LIN7A: variants seen among roughly 807,000 people sequenced by gnomAD.
LIN7A encodes lin-7 cell polarity scaffold A, also known as protein lin-7 homolog A.
A neutral mutation model predicts 29.8 loss-of-function variants in LIN7A; 25 were observed. The observed-to-expected ratio is 0.84, with a 90% CI of 0.61 to 1.17. The LOEUF (loss-of-function observed/expected upper bound fraction) is 1.17, where lower values mean the gene tolerates loss of function less well. Among genes scored for constraint, LIN7A ranks in the 50% most tolerant of loss-of-function variants. The pLI is 0.00. For synonymous variants in LIN7A, 118 were observed against 107.5 expected, an observed-to-expected ratio of 1.10 and a Z score of -0.60; for missense variants, 239 against 287.0, an observed-to-expected ratio of 0.83 and a Z score of 1.21.
chr12:80,831,765 G>A (rs1872361116), intron 4 of LIN7A, among the ~76,000 whole-genome samples: 1 of 152,192 alleles, frequency 6.6e-6, no homozygotes, highest in Non-Finnish European at 1.5e-5. Context: ...GTGTGCCCTA[G>A]GTTCCTGTGG....
chr12:80,845,957 A>C lies in LIN7A; in HGVS notation c.274-18T>G. The C allele has an allele frequency of 6.4e-7, 1 of 1,556,718 alleles. No homozygotes were observed. The highest frequency in any genetic ancestry group is 8.7e-7 in the Non-Finnish European group (1 of 1,150,532). On this transcript the variant is annotated intron_variant, in intron 3 of 5. Coordinates refer to ENST00000552864, the MANE Select transcript of LIN7A (RefSeq NM_004664.4). The stretch of plus-strand genomic sequence containing the variant: ...ACTGTTGCCTGAAAAAAAAAAAAAA[A>C]GATGGTCTTTTGGTAATAAAATGAG...
chr12:80,908,749 A>T (rs758016769), intron 1 of LIN7A, among the ~76,000 whole-genome samples: 8 of 151,954 alleles, frequency 5.3e-5, no homozygotes, highest in Non-Finnish European at 7.4e-5. Context: ...AATGATGTTG[A>T]CTATCTTTTC....
At chr12:80,905,838 T>C (rs1876449640) in intron 1 of LIN7A, among the ~76,000 whole-genome samples, 1 of 152,164 alleles carries the variant, frequency 6.6e-6, no homozygotes, top group Non-Finnish European at 1.5e-5. Flanking sequence ...TTCTATTTCT[T>C]TATTTTCAAA....
chr12:80,922,268 T>A (rs919826863), intron 1 of LIN7A, among the ~76,000 whole-genome samples: 1 of 152,212 alleles, frequency 6.6e-6, no homozygotes, highest in African/African-American at 2.4e-5. Flanking sequence ...TGATGTTGGA[T>A]AAGAACAGTC....
intron 1 of LIN7A, among the ~76,000 whole-genome samples, chr12:80,907,909 TAATC>T (rs1876568744): frequency 1.3e-5 from 2 of 152,184 alleles, no homozygotes; most frequent in Admixed American, 1.3e-4. Flanking sequence ...TGCTTGATAT[TAATC>T]AATCTGTATA....
At chr12:80,925,868 A>G (rs1877554716) in intron 1 of LIN7A, among the ~76,000 whole-genome samples, 1 of 152,186 alleles carries the variant, frequency 6.6e-6, no homozygotes, top group Admixed American at 6.5e-5. Flanking sequence ...TTTAATCCTC[A>G]CAACAATCTT....
chr12:80,910,419 G>C (rs1389218837), intron 1 of LIN7A, among the ~76,000 whole-genome samples: 1 of 152,104 alleles, frequency 6.6e-6, no homozygotes, highest in Non-Finnish European at 1.5e-5. Context: ...AAAATGCTAA[G>C]TAGAAGTGAT....
At chr12:80,842,265 T>A (rs1872858831) in intron 4 of LIN7A, 1 of 460,166 alleles carries the variant, frequency 2.2e-6, no homozygotes, top group Admixed American at 5.4e-5. Flanking sequence ...TATATTTCTG[T>A]CCTATTTAAA....
intron 4 of LIN7A, among the ~76,000 whole-genome samples, chr12:80,843,318 G>A (rs1306451791): frequency 6.6e-6 from 1 of 152,032 alleles, no homozygotes; most frequent in Non-Finnish European, 1.5e-5. Flanking sequence ...AATCTAATAG[G>A]ATTTCTGATT....
intron 5 of LIN7A, among the ~76,000 whole-genome samples, chr12:80,799,351 A>G (rs1243411424): frequency 6.6e-6 from 1 of 152,078 alleles, no homozygotes; most frequent in Admixed American, 6.5e-5. Context: ...TAAAAGAGCC[A>G]TTGTGGTAGG....
intron 4 of LIN7A, among the ~76,000 whole-genome samples, chr12:80,831,913 A>C (rs1872367583): frequency 6.6e-6 from 1 of 152,210 alleles, no homozygotes; most frequent in Non-Finnish European, 1.5e-5. Context: ...TGGCCACAAA[A>C]ATAAGGGGAA....
intron 1 of LIN7A, among the ~76,000 whole-genome samples, chr12:80,935,181 T>C (rs1040924088): frequency 7.9e-5 from 12 of 152,192 alleles, no homozygotes; most frequent in African/African-American, 2.7e-4. Context: ...AATTCAAAGA[T>C]GAATTTAGAA....
At chr12:80,827,384 CACAAACAA>C (rs3072346) in intron 4 of LIN7A, among the ~76,000 whole-genome samples, 1 of 150,416 alleles carries the variant, frequency 6.6e-6, no homozygotes, top group African/African-American at 2.4e-5. Flanking sequence ...GAGACTCTGT[CACAAACAA>C]ACAAACAAAC....
At chr12:80,833,608 T>G (rs1303169439) in intron 4 of LIN7A, among the ~76,000 whole-genome samples, 4 of 152,192 alleles carry the variant, frequency 2.6e-5, no homozygotes, top group Non-Finnish European at 5.9e-5. Context: ...CCGGGCTCCT[T>G]GTGATGGCTT....
chr12:80,830,554 A>T (rs1299151144), intron 4 of LIN7A, among the ~76,000 whole-genome samples: 1 of 152,194 alleles, frequency 6.6e-6, no homozygotes, highest in East Asian at 1.9e-4. Context: ...TTCTAAACTT[A>T]ATGTCTGGGG....
At chr12:80,922,668 A>G (rs1391594964) in intron 1 of LIN7A, among the ~76,000 whole-genome samples, 1 of 152,170 alleles carries the variant, frequency 6.6e-6, no homozygotes, top group Non-Finnish European at 1.5e-5. Context: ...AGATACAGTA[A>G]TCCCCCCTTA....
chr12:80,909,265 A>G (rs964011998), intron 1 of LIN7A, among the ~76,000 whole-genome samples: 1 of 152,176 alleles, frequency 6.6e-6, no homozygotes, highest in Non-Finnish European at 1.5e-5. Context: ...TTCAGTATCA[A>G]TTAAGCACAT....
chr12:80,815,795 T>C (rs368715123), intron 4 of LIN7A, among the ~76,000 whole-genome samples: 1 of 152,218 alleles, frequency 6.6e-6, no homozygotes, highest in Non-Finnish European at 1.5e-5. Context: ...GTTGTACCTA[T>C]TGCATTAGCA....
In LIN7A at chr12:80,841,877, C is replaced by T. The variant is rs780088370; in HGVS notation, c.483+3853G>A. ...AGAAAGCTATAAATTCTTACTGTAACATTTTGACCTCCTATTAATGTTAAA... is the reference window on the plus strand; with the variant it reads ...AGAAAGCTATAAATTCTTACTGTAATATTTTGACCTCCTATTAATGTTAAA... On this transcript the variant is annotated intron_variant, in intron 4 of 5. Transcript: ENST00000552864. The T allele has an allele frequency of 2.0e-5, 20 of 1,018,862 alleles. No homozygotes were observed. In the Admixed American group the frequency reaches 4.1e-4, roughly 21 times the overall value. 63.1% of individuals were successfully genotyped at this position (1,018,862 alleles called of 1,614,324 possible). A position where few individuals can be genotyped will look rare whatever the true frequency, so the allele number is the denominator to read the frequency against.
Sources: allele counts gnomAD v4.1 joint callset (sites outside exome capture counted in the v4.1 genomes callset), GRCh38; gene constraint gnomAD v4.1.1; transcripts MANE v1.5; gene names NCBI Gene and HGNC (gene_info 2026-07-23, HGNC 2026-07-21).